ZFPM2: variants seen among roughly 807,000 people sequenced by gnomAD.
The protein encoded by ZFPM2 is zinc finger protein ZFPM2.
In ZFPM2, 20 loss-of-function variants were observed where a neutral mutation model predicts 98.6. That is an observed-to-expected ratio of 0.20 (90% confidence interval 0.14 to 0.29). The LOEUF (loss-of-function observed/expected upper bound fraction) is 0.29. ZFPM2 is among the 10% of genes least tolerant of loss of function. The pLI is 1.00. For missense variants in ZFPM2, 1,310 were observed against 1,388.6 expected (o/e 0.94, Z 0.90); for synonymous variants, 518 against 502.7 (o/e 1.03, Z -0.41).
At chr8:105,628,555 C>G (rs1816700407) in intron 4 of ZFPM2, among the ~76,000 whole-genome samples, 1 of 152,150 alleles carries the variant, frequency 6.6e-6, no homozygotes, top group Non-Finnish European at 1.5e-5. Flanking sequence ...ACTGTCCCAT[C>G]ATATGCCTAT....
chr8:105,519,956 C>T (rs1190298160), intron 3 of ZFPM2, among the ~76,000 whole-genome samples: 1 of 152,042 alleles, frequency 6.6e-6, no homozygotes, highest in Non-Finnish European at 1.5e-5. Context: ...TACGTTTGTG[C>T]TGGCCTAAAA....
chr8:105,529,376 A>G (rs1814245240), intron 3 of ZFPM2, among the ~76,000 whole-genome samples: 2 of 152,120 alleles, frequency 1.3e-5, no homozygotes, highest in Admixed American at 1.3e-4. Flanking sequence ...CACCAGGGGA[A>G]TTTTGAACAT....
intron 2 of ZFPM2, among the ~76,000 whole-genome samples, chr8:105,427,060 TC>T (rs1563653450): frequency 6.6e-6 from 1 of 152,152 alleles, no homozygotes; most frequent in Non-Finnish European, 1.5e-5. Flanking sequence ...ATCTTAAAAG[TC>T]CCAAAACATA....
intron 1 of ZFPM2, among the ~76,000 whole-genome samples, chr8:105,386,842 G>A (rs1811000559): frequency 6.6e-6 from 1 of 152,068 alleles, no homozygotes; most frequent in African/African-American, 2.4e-5. Context: ...CAAGGGGAAG[G>A]TGGAGGACAA....
chr8:105,621,015 C>T (rs1279844230), intron 4 of ZFPM2, among the ~76,000 whole-genome samples: 1 of 152,078 alleles, frequency 6.6e-6, no homozygotes, highest in Non-Finnish European at 1.5e-5. Context: ...AATGCGGGCT[C>T]TTTTTTGGTT....
intron 5 of ZFPM2, among the ~76,000 whole-genome samples, chr8:105,726,522 A>G (rs970911708): frequency 6.6e-6 from 1 of 151,822 alleles, no homozygotes; most frequent in Non-Finnish European, 1.5e-5. Flanking sequence ...TATCTTCACC[A>G]TTAGGACTGG....
intron 5 of ZFPM2, among the ~76,000 whole-genome samples, chr8:105,727,926 G>A (rs1811851865): frequency 6.7e-6 from 1 of 149,938 alleles, no homozygotes; most frequent in Admixed American, 6.7e-5. Flanking sequence ...ACATCAAGAT[G>A]TAAAGTAAAG....
intron 1 of ZFPM2, 97 bp downstream of exon 1, chr8:105,319,078 A>G: frequency 7.4e-7 from 1 of 1,360,500 alleles, no homozygotes. Flanking sequence ...GGGCTAGGGG[A>G]GATCCGCTCC....
At chr8:105,746,653 A>T (rs372316804) in intron 5 of ZFPM2, among the ~76,000 whole-genome samples, 14,649 of 84,788 alleles carry the variant, frequency 0.17, 1,290 homozygotes, top group Middle Eastern at 0.35. Context: ...CTGTTTTTAA[A>T]AATTTTTTTT....
intron 2 of ZFPM2, among the ~76,000 whole-genome samples, chr8:105,442,384 A>C (rs1242310123): frequency 2.0e-5 from 3 of 151,916 alleles, no homozygotes; most frequent in East Asian, 3.9e-4. Context: ...AACAAAAAAA[A>C]CTTGGACCTT....
chr8:105,588,319 G>A (rs949421435), intron 4 of ZFPM2, among the ~76,000 whole-genome samples: 7 of 151,874 alleles, frequency 4.6e-5, no homozygotes, highest in Middle Eastern at 3.2e-3. Context: ...AAATACTCAC[G>A]GTTTATGGAA....
intron 1 of ZFPM2, among the ~76,000 whole-genome samples, chr8:105,381,158 T>C (rs745637646): frequency 1.3e-5 from 2 of 149,140 alleles, no homozygotes; most frequent in Non-Finnish European, 3.0e-5. Flanking sequence ...CTCCCACTTA[T>C]GAGTGAGAAC....
Position 105,522,842 on chromosome 8 carries a change from T to C in ZFPM2, c.302-38521T>C, listed in dbSNP as rs551049684. Among the ~76,000 whole-genome samples the C allele has an allele frequency of 7.2e-5, 11 of 152,366 alleles. No individual in the cohort carries two copies. In the East Asian group the frequency reaches 1.7e-3, roughly 24 times the overall value. On this transcript the variant is annotated intron_variant, in intron 3 of 7. Transcript: ENST00000407775. The stretch of plus-strand genomic sequence containing the variant: ...CTTTCTTAGGCTCTATTTAGCTGTG[T>C]ACCTTTGGAAGTTGAAAGCTTTTGT...
Position 105,802,822 on chromosome 8 carries a change from A to G in ZFPM2, c.2740A>G (p.Ile914Val), listed in dbSNP as rs1228516735. 6.2e-7 allele frequency: 1 copy of G among 1,613,712 alleles called. No homozygotes were observed. The highest frequency in any genetic ancestry group is 8.5e-7 in the Non-Finnish European group (1 of 1,179,836). ...TGATGTCAGCTACGAAAGAAGCATA[A>G]TAAAATGTGAGAAAAATGGGAATTT... ...SPDVSYERSI[I>V]KCEKNGNLKQ... Residue 914 changes from isoleucine to valine, a missense_variant, in exon 8 of 8, where the codon ATA (isoleucine) becomes GTA (valine). Coordinates refer to ENST00000407775, the MANE Select transcript of ZFPM2 (RefSeq NM_012082.4).
In ZFPM2 at chr8:105,667,712, C is replaced by T. The variant is rs556002857; in HGVS notation, c.532+33355C>T. ...AGAAACAGATATGAGAATATCTTTC[C>T]TCTATTAAAGCCAGATATTAAGGAG... On this transcript the variant is annotated intron_variant, in intron 5 of 7. Coordinates refer to ENST00000407775, the MANE Select transcript of ZFPM2 (RefSeq NM_012082.4). Among the ~76,000 whole-genome samples, 6 of 152,220 alleles carry T rather than the reference C, an allele frequency of 3.9e-5. No individual in the cohort carries two copies. In the South Asian group the frequency reaches 1.2e-3, roughly 32 times the overall value.
At chr8:105,699,360 C>T (rs1348996217) in intron 5 of ZFPM2, among the ~76,000 whole-genome samples, 1 of 152,058 alleles carries the variant, frequency 6.6e-6, no homozygotes, top group Non-Finnish European at 1.5e-5. Context: ...AAGTGGATTT[C>T]CAAGAGAGAT....
chr8:105,548,130 TC>T, intron 3 of ZFPM2, among the ~76,000 whole-genome samples: 1 of 152,044 alleles, frequency 6.6e-6, no homozygotes, highest in Middle Eastern at 3.4e-3. Flanking sequence ...ACCAAGTAGA[TC>T]ATAGGAATAA....
At position 105,411,475 on chromosome 8, in the gene ZFPM2, T is replaced by C. The variant is rs561477907; in HGVS notation, c.41-7669T>C. Among the ~76,000 whole-genome samples the C allele has an allele frequency of 2.2e-4, 34 of 151,820 alleles. 1 individual carries two copies. Among genetic ancestry groups the C allele is most frequent in the Non-Finnish European group, 3.8e-4 (26 of 67,874 alleles). On this transcript the variant is annotated intron_variant, in intron 1 of 7. Coordinates refer to ENST00000407775, the MANE Select transcript of ZFPM2 (RefSeq NM_012082.4). Reference sequence around the variant, plus strand: ...TGTTTAGCATCCTCAGTAAATATTATTTAAGTGGATAATGAATAAGTTAAT... The same window carrying C: ...TGTTTAGCATCCTCAGTAAATATTACTTAAGTGGATAATGAATAAGTTAAT...
Position 105,801,361 on chromosome 8 carries a change from A to G in ZFPM2, c.1279A>G (p.Met427Val). 6.2e-7 allele frequency: 1 copy of G among 1,613,958 alleles called. No homozygotes were observed. The highest frequency in any genetic ancestry group is 1.3e-5 in the African/African-American group (1 of 75,046). The part of the protein sequence containing the change: ...RSELPQSQKA[M>V]QTKDASSDTE... The stretch of plus-strand genomic sequence containing the variant: ...CGAACTTCCCCAGAGCCAAAAGGCC[A>G]TGCAGACTAAAGATGCGAGCTCTGA... Residue 427 changes from methionine (M) to valine (V), a missense_variant, in exon 8 of 8, where the codon ATG becomes GTG. Coordinates refer to ENST00000407775, the MANE Select transcript of ZFPM2 (RefSeq NM_012082.4).
Sources: gnomAD v4.1 joint callset for allele counts (sites outside exome capture counted in the v4.1 genomes callset) on GRCh38, gnomAD v4.1.1 for gene constraint, MANE v1.5 for transcripts, NCBI Gene and HGNC (gene_info 2026-07-23, HGNC 2026-07-21) for gene names.